RGS9: variants seen among roughly 807,000 people sequenced by gnomAD.
The protein encoded by RGS9 is regulator of G protein signaling 9, also known as regulator of G-protein signalling 9.
Under a neutral mutation model 102.0 loss-of-function variants are expected in RGS9, and 78 were observed. The observed-to-expected ratio is 0.76, with a 90% CI of 0.64 to 0.92. The LOEUF is 0.92. Among genes scored for constraint, RGS9 ranks in the 40% least tolerant of loss-of-function variants. The probability of loss-of-function intolerance (pLI) is 0.00; values close to 1 mark genes in which losing one functional copy is unlikely to be tolerated. For missense variants in RGS9, 833 were observed against 866.1 expected, an observed-to-expected ratio of 0.96 and a Z score of 0.48; for synonymous variants, 353 against 318.6, an observed-to-expected ratio of 1.11 and a Z score of -1.15.
chr17:65,204,409 C>T, intron 15 of RGS9, 108 bp downstream of exon 15: 1 of 1,365,050 alleles, frequency 7.3e-7, no homozygotes, highest in African/African-American at 1.4e-5. Flanking sequence ...GTGGATAGAG[C>T]TTTGCCGGTT....
chr17:65,182,323 C>T (rs1911915641), intron 9 of RGS9, among the ~76,000 whole-genome samples: 1 of 152,222 alleles, frequency 6.6e-6, no homozygotes, highest in East Asian at 1.9e-4. Flanking sequence ...CAGCTCCCTG[C>T]GTGCCAGGCA....
At chr17:65,158,388 GT>G in intron 3 of RGS9, 43 bp downstream of exon 3, 1 of 1,560,234 alleles carries the variant, frequency 6.4e-7, no homozygotes, top group Non-Finnish European at 8.8e-7. Context: ...ACAGCTTTGT[GT>G]ACAGCACCAT....
Position 65,211,258 on chromosome 17 carries a change from C to T in RGS9, c.1407+653C>T, listed in dbSNP as rs1454207119. On this transcript the variant is annotated intron_variant, in intron 17 of 18. Transcript: ENST00000262406. ...TCTCTGAACTCCCCTGCTATGCCTG[C>T]CTGGAAAGACCCTGCTGAGACGTTT... is the stretch of plus-strand genomic sequence containing the variant. Among the ~76,000 whole-genome samples, 3 of 152,310 alleles carry T rather than the reference C, an allele frequency of 2.0e-5. No homozygotes were observed. The East Asian group carries it at 5.8e-4, about 29-fold the overall frequency.
chr17:65,201,122 C>G (rs953376456), intron 13 of RGS9, among the ~76,000 whole-genome samples: 1 of 151,640 alleles, frequency 6.6e-6, no homozygotes, highest in Non-Finnish European at 1.5e-5. Flanking sequence ...CACACACAGA[C>G]ACACACACAC....
intron 17 of RGS9, among the ~76,000 whole-genome samples, chr17:65,222,695 A>C (rs1168364013): frequency 6.6e-6 from 1 of 152,188 alleles, no homozygotes; most frequent in Non-Finnish European, 1.5e-5. Flanking sequence ...TCTTTGCAGA[A>C]TGTGTCCTAA....
chr17:65,139,683 A>C (rs1910082253), intron 1 of RGS9, among the ~76,000 whole-genome samples: 1 of 151,960 alleles, frequency 6.6e-6, no homozygotes, highest in Non-Finnish European at 1.5e-5. Flanking sequence ...TGGTTCTCCT[A>C]ATGCCCCTGG....
chr17:65,188,903 C>T, intron 9 of RGS9: 1 of 256,792 alleles, frequency 3.9e-6, no homozygotes, highest in Non-Finnish European at 7.5e-6. Flanking sequence ...GCTTGAGCCA[C>T]CGCACCTGGC....
At chr17:65,203,044 G>C (rs895921140) in intron 14 of RGS9, among the ~76,000 whole-genome samples, 2 of 152,238 alleles carry the variant, frequency 1.3e-5, no homozygotes, top group Non-Finnish European at 2.9e-5. Flanking sequence ...CTGAACTTTG[G>C]GCAGCAGGCC....
At position 65,199,253 on chromosome 17, in the gene RGS9, C is replaced by T. The variant is rs541554206; in HGVS notation, c.976+2012C>T. 3.9e-5 allele frequency among the ~76,000 whole-genome samples: 6 copies of T among 152,246 alleles called. No homozygotes were observed. In the East Asian group the frequency reaches 1.2e-3, roughly 29 times the overall value. On this transcript the variant is annotated intron_variant, in intron 13 of 18. Transcript: ENST00000262406. ...GCAACCATCATCACTAATTCTAGAA[C>T]ATTTTTGCCACATTAAAAAGAAACT...
At chr17:65,199,616 C>G (rs930998745) in intron 13 of RGS9, among the ~76,000 whole-genome samples, 13 of 151,250 alleles carry the variant, frequency 8.6e-5, no homozygotes, top group Non-Finnish European at 1.5e-4. Flanking sequence ...GCCTCAGCCT[C>G]CCAAGTAGCT....
chr17:65,177,880 T>C, intron 9 of RGS9, 77 bp downstream of exon 9: 2 of 1,144,032 alleles, frequency 1.7e-6, no homozygotes, highest in Non-Finnish European at 2.7e-6. Context: ...TGTCTATTCG[T>C]GTCTGTTAGG....
At chr17:65,202,444 T>TGTGTGTGTGTGTGTGTGTGAGA (rs3838367) in intron 14 of RGS9, among the ~76,000 whole-genome samples, 28 of 131,778 alleles carry the variant, frequency 2.1e-4, no homozygotes, top group Admixed American at 3.8e-4. Context: ...TGTGTGTGTG[T>TGTGTGTGTGTGTGTGTGTGAGA]GAGAGAGAGA....
At position 65,188,383 on chromosome 17, in the gene RGS9, AG is replaced by A. The variant is rs1229892422; in HGVS notation, c.655-900del. Among the ~76,000 whole-genome samples, 4 of 152,200 alleles carry A rather than the reference AG, an allele frequency of 2.6e-5. No homozygotes were observed. The East Asian group carries it at 5.8e-4, about 22-fold the overall frequency. On this transcript the variant is annotated intron_variant, in intron 9 of 18. Transcript: ENST00000262406. ...GCAAGGGGATGGGGCCTGATTCCAC[AG>A]GGCAGCTCAACTCGGGGACTCAGCT...
At chr17:65,160,995 A>G (rs1177172261) in intron 6 of RGS9, 86 bp downstream of exon 6, 1 of 1,085,614 alleles carries the variant, frequency 9.2e-7, no homozygotes, top group Admixed American at 1.7e-5. Context: ...ACATCACTAC[A>G]TTCATATGCG....
At chr17:65,163,949 T>C (rs1180013533) in intron 7 of RGS9, among the ~76,000 whole-genome samples, 1 of 152,164 alleles carries the variant, frequency 6.6e-6, no homozygotes, top group Non-Finnish European at 1.5e-5. Context: ...AGGGAAGGGA[T>C]ACACAGTGAT....
Position 65,173,164 on chromosome 17 carries a change from T to C in RGS9, c.583-4568T>C, listed in dbSNP as rs1911484766. ...GTCTCGAACTCCTGACCTCATGATCTGCCGGCCTCAGGCTTTCAAAGTGCT... is the reference window on the plus strand; with the variant it reads ...GTCTCGAACTCCTGACCTCATGATCCGCCGGCCTCAGGCTTTCAAAGTGCT... On this transcript the variant is annotated intron_variant, in intron 8 of 18. Coordinates refer to ENST00000262406, the MANE Select transcript of RGS9 (RefSeq NM_003835.4). This position sits in a 1 kb window ranked among gnomAD's most constrained non-coding sequence, Gnocchi z 4.8. Among the ~76,000 whole-genome samples the C allele has an allele frequency of 6.6e-6, 1 of 152,064 alleles. No homozygotes were observed. Among genetic ancestry groups the C allele is most frequent in the Admixed American group, 6.6e-5 (1 of 15,256 alleles).
At chr17:65,153,359 A>G in intron 1 of RGS9, 63 bp from the exon 2 acceptor site, 2 of 1,382,318 alleles carry the variant, frequency 1.4e-6, no homozygotes, top group East Asian at 4.6e-5. Flanking sequence ...TGCAGTGGAA[A>G]TTGCCCTGCA....
chr17:65,157,345 G>T (rs936152872), intron 2 of RGS9, among the ~76,000 whole-genome samples: 1 of 151,916 alleles, frequency 6.6e-6, no homozygotes, highest in African/African-American at 2.4e-5. Flanking sequence ...GTGCCTACGA[G>T]CTGTACCTTC....
chr17:65,220,503 TG>T (rs1406931193), intron 17 of RGS9, among the ~76,000 whole-genome samples: 1 of 152,162 alleles, frequency 6.6e-6, no homozygotes, highest in African/African-American at 2.4e-5. Context: ...ATGACCAGTA[TG>T]GGGTCATGCC....
Sources: gnomAD v4.1 joint callset for allele counts (sites outside exome capture counted in the v4.1 genomes callset) on GRCh38, gnomAD v4.1.1 for gene constraint, Gnocchi (gnomAD v3.1) non-coding constraint, MANE v1.5 for transcripts, NCBI Gene and HGNC (gene_info 2026-07-23, HGNC 2026-07-21) for gene names.